Variants in C12orf42 observed in about 807,000 individuals in gnomAD.
The protein encoded by C12orf42 is chromosome 12 open reading frame 42.
C12orf42 carries 25 observed loss-of-function variants against 21.6 expected under a neutral mutation model. That is an observed-to-expected ratio of 1.16 (90% CI 0.84 to 1.62). The LOEUF (loss-of-function observed/expected upper bound fraction) is 1.62, where lower values mean the gene tolerates loss of function less well. Ranked by LOEUF, C12orf42 falls within the 40% of genes most tolerant of loss-of-function variation. The pLI is 0.00. For missense variants in C12orf42, 483 were observed against 459.3 expected, an observed-to-expected ratio of 1.05 and a Z score of -0.47; for synonymous variants, 174 against 175.0, an observed-to-expected ratio of 0.99 and a Z score of 0.05.
the C12orf42 span, among the ~76,000 whole-genome samples, chr12:103,190,721 AAAAATGAATG>A: frequency 6.6e-6 from 1 of 152,220 alleles, no homozygotes; most frequent in African/African-American, 2.4e-5. Flanking sequence ...ACAAAAAGAG[AAAAATGAATG>A]AAAATGAATG....
the C12orf42 span, among the ~76,000 whole-genome samples, chr12:103,147,625 T>C: frequency 5.6e-3 from 759 of 134,826 alleles, 7 homozygotes; most frequent in Non-Finnish European, 9.2e-3. Flanking sequence ...CTCTCTCTCT[T>C]TTTTTTTTTT....
At chr12:103,525,724 G>A in the C12orf42 span, among the ~76,000 whole-genome samples, 1 of 152,044 alleles carries the variant, frequency 6.6e-6, no homozygotes, top group Non-Finnish European at 1.5e-5. Context: ...TCAATATGAT[G>A]CATCCAGTAA....
Position 103,450,256 on chromosome 12 carries a change from A to T in C12orf42, c.78+28093T>A, listed in dbSNP as rs148913572. Among the ~76,000 whole-genome samples, 102 of 152,222 alleles carry T rather than the reference A, an allele frequency of 6.7e-4. 1 individual carries two copies. Among genetic ancestry groups the T allele is most frequent in the African/African-American group, 2.4e-3 (98 of 41,536 alleles). On this transcript the variant is annotated intron_variant, in intron 2 of 5. Coordinates refer to ENST00000548883, the MANE Select transcript of C12orf42 (RefSeq NM_198521.5). The stretch of plus-strand genomic sequence containing the variant: ...CTAGATTTGTGTTTAGGATTTTTGC[A>T]TCAATGTCCACCAGTGAAATTGCCT...
At chr12:103,106,038 C>G in the C12orf42 span, among the ~76,000 whole-genome samples, 1 of 152,058 alleles carries the variant, frequency 6.6e-6, no homozygotes, top group Non-Finnish European at 1.5e-5. Flanking sequence ...GTACCAAGCA[C>G]GCTGAAAACG....
the C12orf42 span, among the ~76,000 whole-genome samples, chr12:103,209,662 T>C: frequency 6.6e-6 from 1 of 152,158 alleles, no homozygotes; most frequent in Admixed American, 6.6e-5. Context: ...AGGCAATCCT[T>C]GGGGAAACTC....
intron 2 of C12orf42, among the ~76,000 whole-genome samples, chr12:103,476,072 G>C (rs936309846): frequency 1.3e-5 from 2 of 152,168 alleles, no homozygotes; most frequent in Non-Finnish European, 2.9e-5. Flanking sequence ...TTTCCTTGCT[G>C]TGTGTTTTCA....
chr12:103,212,647 T>C, the C12orf42 span, among the ~76,000 whole-genome samples: 3 of 152,194 alleles, frequency 2.0e-5, no homozygotes, highest in African/African-American at 4.8e-5. Flanking sequence ...CCAAAAGTCA[T>C]TGTCTATGTT....
chr12:103,148,501 A>G, the C12orf42 span, among the ~76,000 whole-genome samples: 1 of 152,150 alleles, frequency 6.6e-6, no homozygotes, highest in East Asian at 1.9e-4. Context: ...GGTCTAGTTC[A>G]ATTTCTTCCT....
At chr12:103,298,204 C>G (rs2037427876), downstream of C12orf42, among the ~76,000 whole-genome samples, 1 of 151,902 alleles carries the variant, frequency 6.6e-6, no homozygotes, top group African/African-American at 2.4e-5. Flanking sequence ...ATCTGGAAAA[C>G]CTCATTGTCT....
intron 3 of C12orf42, among the ~76,000 whole-genome samples, chr12:103,386,196 G>T (rs76830280): frequency 0.015 from 2,240 of 152,276 alleles, 48 homozygotes; most frequent in African/African-American, 0.05. Flanking sequence ...AACTCAGGCT[G>T]TCTGATCCTA....
chr12:103,338,617 C>A (rs1796892003), intron 4 of C12orf42, among the ~76,000 whole-genome samples: 1 of 152,220 alleles, frequency 6.6e-6, no homozygotes, highest in Non-Finnish European at 1.5e-5. Flanking sequence ...AAGATAAGAG[C>A]CTCCTAAAGT....
intron 3 of C12orf42, among the ~76,000 whole-genome samples, chr12:103,385,848 C>T (rs1038008868): frequency 1.3e-4 from 20 of 152,106 alleles, no homozygotes; most frequent in African/African-American, 4.8e-4. Context: ...TAAAATCAAC[C>T]TTTGGTGATG....
chr12:103,557,112 C>G, the C12orf42 span, among the ~76,000 whole-genome samples: 1 of 152,088 alleles, frequency 6.6e-6, no homozygotes, highest in Non-Finnish European at 1.5e-5. Flanking sequence ...TCCTAGGAAA[C>G]TAGTACAGTG....
At chr12:103,494,749 A>G (rs771030414) in intron 1 of C12orf42, among the ~76,000 whole-genome samples, 4 of 152,208 alleles carry the variant, frequency 2.6e-5, no homozygotes, top group Non-Finnish European at 5.9e-5. Context: ...AAAATTGTGA[A>G]TAGTGCCTAG....
At chr12:103,398,883 G>A (rs570000520) in intron 3 of C12orf42, among the ~76,000 whole-genome samples, 2 of 151,932 alleles carry the variant, frequency 1.3e-5, no homozygotes, top group South Asian at 4.2e-4. Context: ...CTTGATATCT[G>A]GTAAAACAAG....
chr12:103,145,895 C>A, the C12orf42 span, among the ~76,000 whole-genome samples: 1 of 151,438 alleles, frequency 6.6e-6, no homozygotes, highest in South Asian at 2.1e-4. Context: ...AGTATGGTGA[C>A]CTTTTGATTT....
At chr12:103,068,972 TATATATATATA>T in the C12orf42 span, among the ~76,000 whole-genome samples, 1 of 104,440 alleles carries the variant, frequency 9.6e-6, no homozygotes, top group Non-Finnish European at 1.9e-5. Context: ...TATATATATA[TATATATATATA>T]TATATATAAT....
chr12:103,426,947 T>G (rs1449047913), intron 2 of C12orf42, among the ~76,000 whole-genome samples: 1 of 151,708 alleles, frequency 6.6e-6, no homozygotes, highest in Non-Finnish European at 1.5e-5. Context: ...TTACAAGAGC[T>G]CCTAAAGGAA....
chr12:103,068,875 CTATA>C, the C12orf42 span, among the ~76,000 whole-genome samples: 4 of 128,798 alleles, frequency 3.1e-5, no homozygotes, highest in Admixed American at 1.7e-4. Context: ...ACTCCTCTCT[CTATA>C]TATATATATA....
Sources: allele counts gnomAD v4.1 joint callset (sites outside exome capture counted in the v4.1 genomes callset), GRCh38; gene constraint gnomAD v4.1.1; transcripts MANE v1.5; gene names NCBI Gene and HGNC (gene_info 2026-07-23, HGNC 2026-07-21).